The following ZNF354C variants were observed in gnomAD, a reference collection of about 807,000 sequenced individuals.
ZNF354C encodes the protein zinc finger protein 354C.
A neutral mutation model predicts 12.4 loss-of-function variants in ZNF354C; 7 were observed. The ratio of observed to expected loss-of-function variants is 0.56; its 90% CI spans 0.32 to 1.06. The LOEUF (loss-of-function observed/expected upper bound fraction) is 1.06, where lower values mean the gene tolerates loss of function less well. Among genes scored for constraint, ZNF354C ranks in the 50% least tolerant of loss-of-function variants. The pLI, the probability that ZNF354C is intolerant of heterozygous loss-of-function variation, is 0.04. For missense variants in ZNF354C, 609 were observed against 658.0 expected, an observed-to-expected ratio of 0.93 and a Z score of 0.81; for synonymous variants, 202 against 224.5, an observed-to-expected ratio of 0.90 and a Z score of 0.90.
rs1023746619 is a variant in ZNF354C, at chr5:179,082,667, A to C, written c.*2570A>C. The C allele has an allele frequency of 1.3e-6, 2 of 1,588,026 alleles. No homozygotes were observed. The highest frequency in any genetic ancestry group is 1.7e-6 in the Non-Finnish European group (2 of 1,159,178). ...AGTGGATTAATGACGTGCTTTGTGG[A>C]TGTGGTTAGTCAATGACACCAGCTT... is the stretch of plus-strand genomic sequence containing the variant. On this transcript the variant is annotated 3_prime_UTR_variant, in exon 5 of 5. Transcript: ENST00000315475.
In ZNF354C at chr5:179,077,093, G is replaced by A; in HGVS notation, c.177G>A (p.Lys59=). The A allele has an allele frequency of 2.5e-6, 4 of 1,614,206 alleles. No individual in the cohort carries two copies. The highest frequency in any genetic ancestry group is 3.4e-6 in the Non-Finnish European group (4 of 1,180,046). Residue 59 remains lysine, a synonymous_variant, in exon 4 of 5, where the codon AAG becomes AAA. Coordinates refer to ENST00000315475, the MANE Select transcript of ZNF354C (RefSeq NM_014594.3). ...CAGGGATTCCATTTTCAATGCCAAA[G>A]TTGATTCATCAGTTGCAGCAAGGAG... ...VSLGIPFSMP[K]LIHQLQQGED...
chr5:179,080,166 T>G lies in ZNF354C; in HGVS notation c.*69T>G, dbSNP rs1762206850. ...GAATAATAAATAGGGTACAAACTCCTAATAGATTTGTCTTTTTTACTTCTC... is the reference window on the plus strand; with the variant it reads ...GAATAATAAATAGGGTACAAACTCCGAATAGATTTGTCTTTTTTACTTCTC... On this transcript the variant is annotated 3_prime_UTR_variant, in exon 5 of 5. Transcript: ENST00000315475. 4.2e-6 allele frequency: 5 copies of G among 1,202,512 alleles called. No homozygotes were observed. Among genetic ancestry groups the G allele is most frequent in the African/African-American group, 1.5e-5 (1 of 65,386 alleles). The allele number at this position is 1,202,512 out of a possible 1,614,324, so 74.5% of individuals were successfully genotyped here. A position where few individuals can be genotyped will look rare whatever the true frequency, so the allele number is the denominator to read the frequency against.
intron 2 of ZNF354C, among the ~76,000 whole-genome samples, chr5:179,075,406 G>A (rs1762104657): frequency 6.6e-6 from 1 of 151,462 alleles, no homozygotes; most frequent in Non-Finnish European, 1.5e-5. Context: ...TGGCAACAGA[G>A]CAAGACTCCA....
intron 2 of ZNF354C, among the ~76,000 whole-genome samples, chr5:179,069,814 C>G (rs772428070): frequency 1.3e-5 from 2 of 151,894 alleles, no homozygotes; most frequent in Non-Finnish European, 2.9e-5. Context: ...TGCAGTGAGC[C>G]GAGATTGCGC....
intron 2 of ZNF354C, among the ~76,000 whole-genome samples, chr5:179,064,762 C>T (rs1021836009): frequency 2.6e-5 from 4 of 152,132 alleles, no homozygotes; most frequent in Admixed American, 2.6e-4. Flanking sequence ...GTGTCCCAAT[C>T]ACAGGTCTCA....
chr5:179,077,045 A>G (rs1247814588), intron 3 of ZNF354C, 26 bp from the exon 4 acceptor site: 1 of 1,606,222 alleles, frequency 6.2e-7, no homozygotes, highest in East Asian at 2.2e-5. Flanking sequence ...TATTTGTTCA[A>G]ACTTCATTTG....
In ZNF354C at chr5:179,083,185, C is replaced by CCTG; in HGVS notation, c.*3088_*3089insCTG. ...ACATAACCAAATGGAAAGTGTGATCCTTTATTAGCTTCTGATTCATAAAAA... is the reference window on the plus strand; with the variant it reads ...ACATAACCAAATGGAAAGTGTGATCCCTGTTTATTAGCTTCTGATTCATAAAAA... On this transcript the variant is annotated 3_prime_UTR_variant, in exon 5 of 5. Transcript: ENST00000315475. 1 of 362,728 alleles carries CCTG rather than the reference C, an allele frequency of 2.8e-6. No homozygotes were observed. Among genetic ancestry groups the CCTG allele is most frequent in the Non-Finnish European group, 5.0e-6 (1 of 198,722 alleles). 22.5% of individuals were successfully genotyped at this position (362,728 alleles called of 1,614,324 possible). A position where few individuals can be genotyped will look rare whatever the true frequency, so the allele number is the denominator to read the frequency against.
intron 2 of ZNF354C, among the ~76,000 whole-genome samples, chr5:179,068,054 G>T (rs1451494960): frequency 2.0e-5 from 3 of 152,056 alleles, no homozygotes; most frequent in Non-Finnish European, 2.9e-5. Context: ...CCAGCTACTC[G>T]GGAGGCTCAG....
At chr5:179,076,317 T>C (rs1762120418) in intron 2 of ZNF354C, 128 bp from the exon 3 acceptor site, 12 of 1,424,460 alleles carry the variant, frequency 8.4e-6, no homozygotes, top group Non-Finnish European at 1.1e-5. Flanking sequence ...GTTCCAAAAA[T>C]TACGTAAACA....
Position 179,083,778 on chromosome 5 carries a change from A to G in ZNF354C, c.*3681A>G, listed in dbSNP as rs1762259160. The stretch of plus-strand genomic sequence containing the variant: ...TTGATAACAACAGGCAGATTTGGGA[A>G]GGAAACTAGAATTTGAAACAAGATC... On this transcript the variant is annotated 3_prime_UTR_variant, in exon 5 of 5. Coordinates refer to ENST00000315475, the MANE Select transcript of ZNF354C (RefSeq NM_014594.3). Among the ~76,000 whole-genome samples the G allele has an allele frequency of 6.6e-6, 1 of 152,222 alleles. No homozygotes were observed. Among genetic ancestry groups the G allele is most frequent in the African/African-American group, 2.4e-5 (1 of 41,452 alleles).
chr5:179,069,798 G>A (rs570737700), intron 2 of ZNF354C, among the ~76,000 whole-genome samples: 26 of 150,020 alleles, frequency 1.7e-4, no homozygotes, highest in African/African-American at 5.1e-4. Flanking sequence ...CCCGGGAGGC[G>A]GAGCTTGCAG....
rs1454894464 is a variant in ZNF354C at position 179,078,803 on chromosome 5, T to G, written c.371T>G (p.Phe124Cys). 1.2e-6 allele frequency: 2 copies of G among 1,613,976 alleles called. No homozygotes were observed. Among genetic ancestry groups the G allele is most frequent in the Non-Finnish European group, 1.7e-6 (2 of 1,180,004 alleles). The change falls in exon 5 of 5, where the codon TTT becomes TGT. Residue 124 changes from phenylalanine to cysteine, a missense_variant. Transcript: ENST00000315475. ...SIKDGHWDIN[F>C]EEAVEFESEI... ...AAGGATGGTCACTGGGACATTAACT[T>G]TGAAGAAGCTGTGGAATTTGAGAGC... is the stretch of plus-strand genomic sequence containing the variant.
At position 179,079,290 on chromosome 5, in the gene ZNF354C, C is replaced by A. The variant is rs376686512; in HGVS notation, c.858C>A (p.Thr286=). Residue 286 remains threonine (T), a synonymous_variant, in exon 5 of 5, where the codon ACC becomes ACA. Transcript: ENST00000315475. This position sits in a 1 kb window ranked among gnomAD's most constrained non-coding sequence, Gnocchi z 4.2. ...ECEKAFSNSS[T]LIKHLRVHTG... ...AGAAGGCATTTAGCAACAGTTCAAC[C>A]CTTATCAAACATCTGAGAGTGCATA... 17 of 1,614,078 alleles carry A rather than the reference C, an allele frequency of 1.1e-5. No homozygotes were observed. The African/African-American group carries it at 1.6e-4, about 15-fold the overall frequency.
chr5:179,076,696 T>C (rs986162166), intron 3 of ZNF354C, 125 bp downstream of exon 3: 153 of 1,256,402 alleles, frequency 1.2e-4, no homozygotes, highest in Non-Finnish European at 1.6e-4. Flanking sequence ...TGCTGTAGAG[T>C]GGAAAGTGTA....
intron 2 of ZNF354C, among the ~76,000 whole-genome samples, chr5:179,063,296 C>T (rs34775245): frequency 0.02 from 3,009 of 152,298 alleles, 48 homozygotes; most frequent in Non-Finnish European, 0.031. Flanking sequence ...CAGTAGCTCA[C>T]GCCTATAATC....
At chr5:179,070,774 G>A (rs559152772) in intron 2 of ZNF354C, among the ~76,000 whole-genome samples, 2 of 151,580 alleles carry the variant, frequency 1.3e-5, no homozygotes, top group East Asian at 3.9e-4. Flanking sequence ...AGCATTTTGA[G>A]TGGAGTTGTC....
intron 2 of ZNF354C, among the ~76,000 whole-genome samples, chr5:179,071,058 A>T (rs1762039707): frequency 6.6e-6 from 1 of 151,458 alleles, no homozygotes; most frequent in Non-Finnish European, 1.5e-5. Context: ...TCACTGTGTT[A>T]CCCAGGATGG....
In ZNF354C at chr5:179,082,736, T is replaced by G; in HGVS notation, c.*2639T>G. On this transcript the variant is annotated 3_prime_UTR_variant, in exon 5 of 5. Transcript: ENST00000315475. Reference sequence around the variant, plus strand: ...CACCAAACCCCATTGAGTTATCTGGTCCCCTTGGCTGACGAAGAGCCATTA... The same window carrying G: ...CACCAAACCCCATTGAGTTATCTGGGCCCCTTGGCTGACGAAGAGCCATTA... 6.6e-7 allele frequency: 1 copy of G among 1,510,964 alleles called. No homozygotes were observed. Among genetic ancestry groups the G allele is most frequent in the Non-Finnish European group, 9.2e-7 (1 of 1,088,230 alleles). The allele number at this position is 1,510,964 out of a possible 1,614,324, so 93.6% of individuals were successfully genotyped here.
Position 179,081,179 on chromosome 5 carries a change from C to T in ZNF354C, c.*1082C>T, listed in dbSNP as rs1044170319. 6.6e-6 allele frequency: 1 copy of T among 152,118 alleles called. No homozygotes were observed. The highest frequency in any genetic ancestry group is 1.5e-5 in the Non-Finnish European group (1 of 68,018). The allele number at this position is 152,118 out of a possible 1,614,324, so 9.4% of individuals were successfully genotyped here. On this transcript the variant is annotated 3_prime_UTR_variant, in exon 5 of 5. Transcript: ENST00000315475. ...TTTAAGGGCTTCCTCTCACCTTAAT[C>T]TTAATAATTGACTCACAACTATATT...
Sources: gnomAD v4.1 joint callset for allele counts (sites outside exome capture counted in the v4.1 genomes callset) on GRCh38, gnomAD v4.1.1 for gene constraint, Gnocchi (gnomAD v3.1) non-coding constraint, MANE v1.5 for transcripts, NCBI Gene and HGNC (gene_info 2026-07-23, HGNC 2026-07-21) for gene names.